The following NKAIN2 variants were observed in gnomAD, a reference collection of about 807,000 sequenced individuals.
NKAIN2 encodes sodium/potassium-transporting ATPase subunit beta-1-interacting protein 2.
In NKAIN2, 14 loss-of-function variants were observed where a neutral mutation model predicts 32.6. The observed-to-expected ratio is 0.43, with a 90% confidence interval of 0.28 to 0.67. NKAIN2 has a LOEUF of 0.67. NKAIN2 is among the 30% of genes least tolerant of loss of function. NKAIN2 has a pLI of 0.17. For synonymous variants in NKAIN2, 80 were observed against 87.2 expected (o/e 0.92, Z 0.46); for missense variants, 198 against 258.3 (o/e 0.77, Z 1.60).
intron 1 of NKAIN2, among the ~76,000 whole-genome samples, chr6:124,149,938 T>C (rs1787618532): frequency 6.6e-6 from 1 of 152,132 alleles, no homozygotes; most frequent in South Asian, 2.1e-4. Context: ...AACCTGTAGG[T>C]AATTAAAATT....
intron 4 of NKAIN2, among the ~76,000 whole-genome samples, chr6:124,782,206 C>T (rs1779299704): frequency 6.6e-6 from 1 of 152,106 alleles, no homozygotes; most frequent in Non-Finnish European, 1.5e-5. Flanking sequence ...CTGGTTTGTC[C>T]TGATGTTTCC....
chr6:123,986,860 C>G (rs1779160063), intron 1 of NKAIN2, among the ~76,000 whole-genome samples: 1 of 152,106 alleles, frequency 6.6e-6, no homozygotes, highest in Non-Finnish European at 1.5e-5. Flanking sequence ...AATGAGAGAT[C>G]TCATTCATGG....
chr6:124,680,360 C>A lies in NKAIN2; in HGVS notation c.474+21974C>A, dbSNP rs182184385. Among the ~76,000 whole-genome samples, 529 of 152,164 alleles carry A rather than the reference C, an allele frequency of 3.5e-3. 4 individuals carry two copies. Among genetic ancestry groups the A allele is most frequent in the Admixed American group, 6.8e-3 (104 of 15,272 alleles). ...ATATATCTATGAGTGGAATTGACAT[C>A]TAGTTTTAGTGTCAAATAATTAGAT... On this transcript the variant is annotated intron_variant, in intron 4 of 6. Coordinates refer to ENST00000368417, the MANE Select transcript of NKAIN2 (RefSeq NM_001040214.3).
intron 3 of NKAIN2, among the ~76,000 whole-genome samples, chr6:124,633,805 A>G (rs1458009411): frequency 1.3e-5 from 2 of 152,168 alleles, no homozygotes; most frequent in Admixed American, 6.5e-5. Flanking sequence ...CAGTCCTCTG[A>G]GGGCCTACCT....
intron 2 of NKAIN2, among the ~76,000 whole-genome samples, chr6:124,334,748 T>C (rs1165847273): frequency 6.6e-6 from 1 of 152,176 alleles, no homozygotes; most frequent in Non-Finnish European, 1.5e-5. Flanking sequence ...GAACTTCTAA[T>C]TTGTGGCTAA....
intron 1 of NKAIN2, among the ~76,000 whole-genome samples, chr6:123,885,450 G>A (rs1773668589): frequency 6.6e-6 from 1 of 152,014 alleles, no homozygotes; most frequent in Admixed American, 6.6e-5. Context: ...TGTTTAGGTA[G>A]GAATTTTTGT....
intron 3 of NKAIN2, among the ~76,000 whole-genome samples, chr6:124,646,528 G>C (rs572050151): frequency 6.6e-6 from 1 of 152,240 alleles, no homozygotes; most frequent in South Asian, 2.1e-4. Context: ...TATAATTAAA[G>C]GGCCCATATA....
chr6:123,959,570 C>T (rs1777746909), intron 1 of NKAIN2, among the ~76,000 whole-genome samples: 1 of 152,022 alleles, frequency 6.6e-6, no homozygotes, highest in South Asian at 2.1e-4. Flanking sequence ...TATATTCATA[C>T]CCTTTTGAAA....
At chr6:124,167,752 C>A (rs1026786768) in intron 1 of NKAIN2, among the ~76,000 whole-genome samples, 1 of 152,048 alleles carries the variant, frequency 6.6e-6, no homozygotes, top group African/African-American at 2.4e-5. Context: ...TTGTCAAAGG[C>A]CTTTTCTGCA....
chr6:124,396,421 A>G (rs1271844805), intron 3 of NKAIN2, among the ~76,000 whole-genome samples: 1 of 146,314 alleles, frequency 6.8e-6, no homozygotes, highest in Non-Finnish European at 1.5e-5. Context: ...AAGACCTGCT[A>G]TTTGATTAAA....
intron 3 of NKAIN2, among the ~76,000 whole-genome samples, chr6:124,367,732 C>G (rs1193180556): frequency 6.6e-6 from 1 of 152,020 alleles, no homozygotes; most frequent in Non-Finnish European, 1.5e-5. Context: ...TTCTGGCCAT[C>G]CTTTGAATCA....
chr6:124,006,995 A>C (rs1006185432), intron 1 of NKAIN2, among the ~76,000 whole-genome samples: 1 of 152,202 alleles, frequency 6.6e-6, no homozygotes, highest in African/African-American at 2.4e-5. Flanking sequence ...CATTCTGAGA[A>C]ATGCATCCTT....
chr6:124,449,082 C>G (rs1776002541), intron 3 of NKAIN2, among the ~76,000 whole-genome samples: 1 of 152,088 alleles, frequency 6.6e-6, no homozygotes, highest in Non-Finnish European at 1.5e-5. Context: ...AGAGAATTCT[C>G]TTAATGAATA....
At chr6:123,946,445 C>T (rs1777067848) in intron 1 of NKAIN2, among the ~76,000 whole-genome samples, 1 of 152,036 alleles carries the variant, frequency 6.6e-6, no homozygotes, top group African/African-American at 2.4e-5. Context: ...CTTCAAAATT[C>T]TCACTGTGTT....
intron 3 of NKAIN2, among the ~76,000 whole-genome samples, chr6:124,408,897 T>C (rs993693417): frequency 2.0e-5 from 3 of 152,236 alleles, no homozygotes; most frequent in Non-Finnish European, 4.4e-5. Context: ...TAGTTCTCCT[T>C]GAAGTGGTCT....
intron 1 of NKAIN2, among the ~76,000 whole-genome samples, chr6:124,135,629 A>T (rs1483802021): frequency 6.6e-6 from 1 of 152,020 alleles, no homozygotes; most frequent in Non-Finnish European, 1.5e-5. Context: ...TCCCAAATTC[A>T]TAAAACAATT....
intron 3 of NKAIN2, among the ~76,000 whole-genome samples, chr6:124,465,111 A>T (rs1776692723): frequency 6.6e-6 from 1 of 151,994 alleles, no homozygotes; most frequent in Admixed American, 6.6e-5. Context: ...ATACCATTTG[A>T]CCCAGCAATC....
At chr6:124,174,378 AC>A (rs1789053571) in intron 1 of NKAIN2, among the ~76,000 whole-genome samples, 1 of 152,214 alleles carries the variant, frequency 6.6e-6, no homozygotes, top group African/African-American at 2.4e-5. Context: ...TAAAAGGCAC[AC>A]TTCTGGATTT....
At chr6:124,209,597 T>C (rs1172165530) in intron 1 of NKAIN2, among the ~76,000 whole-genome samples, 1 of 151,866 alleles carries the variant, frequency 6.6e-6, no homozygotes, top group African/African-American at 2.4e-5. Flanking sequence ...TTACCCTTTC[T>C]CCACATCCTC....
Sources: gnomAD v4.1 joint callset for allele counts (sites outside exome capture counted in the v4.1 genomes callset) on GRCh38, gnomAD v4.1.1 for gene constraint, MANE v1.5 for transcripts, NCBI Gene and HGNC (gene_info 2026-07-23, HGNC 2026-07-21) for gene names.